The following ELAVL2 variants were observed in gnomAD, a reference collection of about 807,000 sequenced individuals.
ELAVL2 encodes ELAV like RNA binding protein 2, also known as ELAV-like protein 2.
In ELAVL2, 4 loss-of-function variants were observed where a neutral mutation model predicts 34.6. That is an observed-to-expected ratio of 0.12 (90% CI 0.06 to 0.26). ELAVL2 has a LOEUF of 0.26. ELAVL2 is among the 10% of genes least tolerant of loss of function. ELAVL2 has a pLI of 1.00. For missense variants in ELAVL2, 432 were observed against 442.8 expected (o/e 0.98, Z 0.22); for synonymous variants, 193 against 154.8 (o/e 1.25, Z -1.83).
chr9:23,699,774 C>A (rs1198924433), intron 5 of ELAVL2, among the ~76,000 whole-genome samples: 1 of 141,158 alleles, frequency 7.1e-6, no homozygotes, highest in Admixed American at 7.4e-5. Flanking sequence ...CCACACTAGT[C>A]TGATCACCAC....
chr9:23,752,229 C>G (rs1400327991), intron 2 of ELAVL2, among the ~76,000 whole-genome samples: 1 of 152,080 alleles, frequency 6.6e-6, no homozygotes, highest in East Asian at 1.9e-4. Context: ...CGTTCAGAGT[C>G]AAAAAGCACA....
intron 3 of ELAVL2, among the ~76,000 whole-genome samples, chr9:23,715,340 G>A (rs1472610418): frequency 6.6e-6 from 1 of 151,842 alleles, no homozygotes; most frequent in Non-Finnish European, 1.5e-5. Flanking sequence ...TGTAGAGACG[G>A]GGTTTCACAG....
At chr9:23,756,555 C>G (rs189074721) in intron 2 of ELAVL2, among the ~76,000 whole-genome samples, 2 of 152,198 alleles carry the variant, frequency 1.3e-5, no homozygotes, top group Admixed American at 1.3e-4. Context: ...CCTAATTACA[C>G]TTAAACACAC....
chr9:23,749,048 A>C (rs1180125229), intron 2 of ELAVL2, among the ~76,000 whole-genome samples: 1 of 152,120 alleles, frequency 6.6e-6, no homozygotes, highest in Non-Finnish European at 1.5e-5. Flanking sequence ...AAGGTACTGG[A>C]AATGGATAAG....
intron 2 of ELAVL2, among the ~76,000 whole-genome samples, chr9:23,759,515 T>C (rs1353024741): frequency 1.3e-5 from 2 of 151,604 alleles, no homozygotes; most frequent in African/African-American, 4.8e-5. Context: ...GTTAGCAATA[T>C]TGTATAGTAT....
chr9:23,840,347 C>A, the ELAVL2 span, among the ~76,000 whole-genome samples: 2 of 152,082 alleles, frequency 1.3e-5, no homozygotes, highest in African/African-American at 4.8e-5. Context: ...AGATGCCTCC[C>A]CTTTACCTCA....
intron 1 of ELAVL2, among the ~76,000 whole-genome samples, chr9:23,807,506 T>C (rs1313070387): frequency 6.6e-6 from 1 of 151,544 alleles, no homozygotes; most frequent in Non-Finnish European, 1.5e-5. Flanking sequence ...CCAAAGTTTC[T>C]ACAAAAAAAA....
intron 1 of ELAVL2, among the ~76,000 whole-genome samples, chr9:23,788,407 A>T (rs1297195942): frequency 6.6e-6 from 1 of 152,152 alleles, no homozygotes; most frequent in African/African-American, 2.4e-5. Context: ...CCTTTTTACC[A>T]GGCACTCAAA....
intron 1 of ELAVL2, among the ~76,000 whole-genome samples, chr9:23,809,472 A>T (rs1353071794): frequency 6.6e-6 from 1 of 152,312 alleles, no homozygotes; most frequent in East Asian, 1.9e-4. Context: ...TAAAAATTGC[A>T]TATCTAAGAC....
At chr9:23,835,497 G>C in the ELAVL2 span, among the ~76,000 whole-genome samples, 176 of 151,974 alleles carry the variant, frequency 1.2e-3, no homozygotes, top group Middle Eastern at 0.01. Context: ...TTCTGCTCTA[G>C]TTTTCTATTT....
intron 1 of ELAVL2, among the ~76,000 whole-genome samples, chr9:23,816,943 T>C (rs10966087): frequency 0.15 from 22,065 of 152,128 alleles, 2,089 homozygotes; most frequent in East Asian, 0.3. Context: ...CAGGAGCATC[T>C]GTATTAGATT....
intron 1 of ELAVL2, among the ~76,000 whole-genome samples, chr9:23,783,165 G>A (rs1000940888): frequency 4.8e-5 from 7 of 145,154 alleles, no homozygotes; most frequent in East Asian, 2.2e-4. Context: ...TCTACTCTCC[G>A]GAGGCGTGAA....
chr9:23,779,380 C>A, intron 1 of ELAVL2: 2 of 985,362 alleles, frequency 2.0e-6, no homozygotes, highest in Non-Finnish European at 2.4e-6. Context: ...GAAAGCAACG[C>A]CCTGCCTAAA....
chr9:23,749,433 G>T (rs543854705), intron 2 of ELAVL2, among the ~76,000 whole-genome samples: 1 of 152,096 alleles, frequency 6.6e-6, no homozygotes, highest in Non-Finnish European at 1.5e-5. Context: ...TTAGCATAAC[G>T]AGTGTTAGAA....
chr9:23,720,608 T>C (rs770285699), intron 3 of ELAVL2, among the ~76,000 whole-genome samples: 1 of 152,180 alleles, frequency 6.6e-6, no homozygotes, highest in African/African-American at 2.4e-5. Flanking sequence ...AATGAGCAAA[T>C]TGTGTGTGAG....
chr9:23,784,341 A>G (rs2059431786), intron 1 of ELAVL2, among the ~76,000 whole-genome samples: 2 of 152,224 alleles, frequency 1.3e-5, no homozygotes, highest in Non-Finnish European at 2.9e-5. Flanking sequence ...ATGAAGGAAA[A>G]AAGGATGCTG....
At chr9:23,753,171 A>C (rs919802687) in intron 2 of ELAVL2, among the ~76,000 whole-genome samples, 2 of 152,198 alleles carry the variant, frequency 1.3e-5, no homozygotes, top group East Asian at 3.9e-4. Context: ...AAATGCCAGA[A>C]AATATCTGTT....
chr9:23,839,199 T>G, the ELAVL2 span, among the ~76,000 whole-genome samples: 1 of 152,162 alleles, frequency 6.6e-6, no homozygotes, highest in East Asian at 1.9e-4. Flanking sequence ...TTTAATATGA[T>G]GTATTTTAAT....
At chr9:23,716,581 A>T (rs2133898340) in intron 3 of ELAVL2, among the ~76,000 whole-genome samples, 1 of 152,304 alleles carries the variant, frequency 6.6e-6, no homozygotes, top group African/African-American at 2.4e-5. Context: ...ACTGTCTCTT[A>T]TAAGCAATAG....
Sources: gnomAD v4.1 joint callset for allele counts (sites outside exome capture counted in the v4.1 genomes callset) on GRCh38, gnomAD v4.1.1 for gene constraint, MANE v1.5 for transcripts, NCBI Gene and HGNC (gene_info 2026-07-23, HGNC 2026-07-21) for gene names.